AKAP6: variants seen among roughly 807,000 people sequenced by gnomAD.
AKAP6 encodes A-kinase anchoring protein 6, also known as A-kinase anchor protein 6.
AKAP6 carries 58 observed loss-of-function variants against 188.5 expected under a neutral mutation model. That is an observed-to-expected ratio of 0.31 (90% CI 0.25 to 0.38). AKAP6 has a LOEUF of 0.38. AKAP6 is among the 10% of genes least tolerant of loss of function. The probability of loss-of-function intolerance (pLI) is 1.00; values close to 1 mark genes in which losing one functional copy is unlikely to be tolerated. For missense variants in AKAP6, 2,710 were observed against 2,740.0 expected (o/e 0.99, Z 0.24); for synonymous variants, 989 against 998.6 (o/e 0.99, Z 0.18).
At chr14:32,344,148 A>G (rs10130528) in intron 1 of AKAP6, among the ~76,000 whole-genome samples, 12,253 of 152,244 alleles carry the variant, frequency 0.08, 1,553 homozygotes, top group African/African-American at 0.27. Context: ...ATGGATGTCT[A>G]GAAGCTCTTT....
At chr14:32,424,877 C>A (rs912318641) in intron 1 of AKAP6, among the ~76,000 whole-genome samples, 14 of 152,156 alleles carry the variant, frequency 9.2e-5, no homozygotes, top group African/African-American at 3.1e-4. Context: ...TATATATGTA[C>A]CTCATTTTCT....
At chr14:32,817,479 G>T (rs3033320) in intron 12 of AKAP6, among the ~76,000 whole-genome samples, 49 of 150,260 alleles carry the variant, frequency 3.3e-4, no homozygotes, top group East Asian at 9.8e-4. Context: ...GTGTGTGTGT[G>T]TGTGTCTGTG....
chr14:32,348,966 C>T lies in AKAP6; in HGVS notation c.-35+19558C>T, dbSNP rs1049076974. Among the ~76,000 whole-genome samples the T allele has an allele frequency of 1.4e-4, 21 of 152,248 alleles. 1 individual carries two copies. The highest frequency in any genetic ancestry group is 3.9e-4 in the African/African-American group (16 of 41,534). The stretch of plus-strand genomic sequence containing the variant: ...TCTGGTTCCTATACCGTGGGATTCC[C>T]GGCAGCCCCTCTAACCAGACAGAGT... On this transcript the variant is annotated intron_variant, in intron 1 of 13. Transcript: ENST00000280979.
intron 5 of AKAP6, among the ~76,000 whole-genome samples, chr14:32,591,040 C>G (rs759170594): frequency 1.3e-5 from 2 of 152,102 alleles, no homozygotes; most frequent in Non-Finnish European, 2.9e-5. Flanking sequence ...ATTCTTAAGT[C>G]CTGGTGTTTG....
intron 5 of AKAP6, among the ~76,000 whole-genome samples, chr14:32,592,354 G>A (rs1420034922): frequency 1.3e-5 from 2 of 152,176 alleles, no homozygotes; most frequent in African/African-American, 4.8e-5. Flanking sequence ...CAAGTACTAT[G>A]GGTGCCAAGG....
At chr14:32,353,516 G>T (rs960777490) in intron 1 of AKAP6, among the ~76,000 whole-genome samples, 2 of 152,306 alleles carry the variant, frequency 1.3e-5, no homozygotes, top group East Asian at 3.9e-4. Context: ...AGCCGAGATC[G>T]TGCCACTGCA....
chr14:32,797,016 T>A (rs2033789964), intron 12 of AKAP6, among the ~76,000 whole-genome samples: 1 of 152,118 alleles, frequency 6.6e-6, no homozygotes, highest in South Asian at 2.1e-4. Context: ...TGCAGTGAAC[T>A]AATATGAAAA....
rs1595000760 is a variant in AKAP6, at chr14:32,836,512, C to A, written c.*6707C>A. On this transcript the variant is annotated 3_prime_UTR_variant, in exon 14 of 14. Transcript: ENST00000280979. ...CAAATATTGAGGTGATAGACACTTC[C>A]AGGCTTTTGCCAAACATTAGTAAAC... 6.6e-6 allele frequency: 1 copy of A among 152,236 alleles called. No individual in the cohort carries two copies. Among genetic ancestry groups the A allele is most frequent in the South Asian group, 2.1e-4 (1 of 4,824 alleles). The allele number at this position is 152,236 out of a possible 1,614,324, so 9.4% of individuals were successfully genotyped here.
chr14:32,468,796 A>C (rs1878601838), intron 2 of AKAP6, among the ~76,000 whole-genome samples: 1 of 152,068 alleles, frequency 6.6e-6, no homozygotes, highest in African/African-American at 2.4e-5. Context: ...CCATTCCTCA[A>C]ATGTCCTGCG....
At chr14:32,618,122 TA>T (rs57145550) in intron 7 of AKAP6, among the ~76,000 whole-genome samples, 12,285 of 152,142 alleles carry the variant, frequency 0.081, 1,136 homozygotes, top group East Asian at 0.51. Context: ...TTTCACAGCC[TA>T]AAAAAGAAAG....
At chr14:32,436,990 C>A (rs183369835) in intron 2 of AKAP6, among the ~76,000 whole-genome samples, 236 of 152,288 alleles carry the variant, frequency 1.5e-3, no homozygotes, top group Non-Finnish European at 1.1e-3. Context: ...ATTGGACTTA[C>A]AATAAAACTA....
intron 9 of AKAP6, among the ~76,000 whole-genome samples, chr14:32,712,267 A>C (rs2029920744): frequency 1.3e-5 from 2 of 152,026 alleles, no homozygotes; most frequent in African/African-American, 4.8e-5. Flanking sequence ...ATTTTATTGC[A>C]AAAAGATCCT....
intron 2 of AKAP6, among the ~76,000 whole-genome samples, chr14:32,468,177 G>GA (rs11454577): frequency 0.74 from 111,902 of 152,040 alleles, 42,443 homozygotes; most frequent in African/African-American, 0.92. Flanking sequence ...TTTTTCTACT[G>GA]AAAATGATTA....
At chr14:32,753,696 G>C (rs762861127) in intron 11 of AKAP6, among the ~76,000 whole-genome samples, 2 of 152,130 alleles carry the variant, frequency 1.3e-5, no homozygotes, top group African/African-American at 2.4e-5. Context: ...GTTGATTCTT[G>C]TATATGGTGT....
intron 5 of AKAP6, among the ~76,000 whole-genome samples, chr14:32,581,805 T>C (rs972413983): frequency 6.6e-6 from 1 of 152,172 alleles, no homozygotes; most frequent in Non-Finnish European, 1.5e-5. Flanking sequence ...TATCAGAGAC[T>C]AGGATTGCAA....
At chr14:32,809,054 A>AAT (rs1356190150) in intron 12 of AKAP6, among the ~76,000 whole-genome samples, 3 of 152,218 alleles carry the variant, frequency 2.0e-5, no homozygotes, top group Non-Finnish European at 4.4e-5. Flanking sequence ...ATGAATGTAA[A>AAT]ATAATGTGTT....
intron 2 of AKAP6, among the ~76,000 whole-genome samples, chr14:32,450,390 C>A (rs1324660518): frequency 6.6e-6 from 1 of 151,742 alleles, no homozygotes; most frequent in Non-Finnish European, 1.5e-5. Flanking sequence ...TGCTACCAAT[C>A]AAAATACACT....
intron 5 of AKAP6, among the ~76,000 whole-genome samples, chr14:32,585,356 A>G (rs944363023): frequency 3.3e-5 from 5 of 152,256 alleles, no homozygotes; most frequent in Admixed American, 1.3e-4. Flanking sequence ...TAGGAAGTAT[A>G]GTTGCATAGA....
chr14:32,661,395 C>T (rs557374787), intron 7 of AKAP6, among the ~76,000 whole-genome samples: 1 of 152,176 alleles, frequency 6.6e-6, no homozygotes, highest in South Asian at 2.1e-4. Context: ...AAAGCGGTTG[C>T]ATGGTAAGCT....
Sources: gnomAD v4.1 joint callset for allele counts (sites outside exome capture counted in the v4.1 genomes callset) on GRCh38, gnomAD v4.1.1 for gene constraint, MANE v1.5 for transcripts, NCBI Gene and HGNC (gene_info 2026-07-23, HGNC 2026-07-21) for gene names.